The following IPO7 variants were observed in gnomAD, a reference collection of about 807,000 sequenced individuals.
IPO7 encodes importin 7, also known as importin-7.
In IPO7, 13 loss-of-function variants were observed where a neutral mutation model predicts 136.4. The observed-to-expected ratio is 0.10, with a 90% CI of 0.06 to 0.15. IPO7 has a LOEUF of 0.15. IPO7 is among the 10% of genes least tolerant of loss of function. IPO7 has a pLI of 1.00. For missense variants in IPO7, 857 were observed against 1,240.6 expected, an observed-to-expected ratio of 0.69 and a Z score of 4.65; for synonymous variants, 403 against 404.4, an observed-to-expected ratio of 1.00 and a Z score of 0.04.
In IPO7 at chr11:9,420,439, G is replaced by A. The variant is rs751130802; in HGVS notation, c.755G>A (p.Arg252Gln). ...NETLQVEEDDRPELPWWKCKK... is the reference protein window; with the variant it reads ...NETLQVEEDDQPELPWWKCKK... ...ACACTTCAAGTTGAAGAAGATGATC[G>A]ACCTGAGTTACCATGGTGGAAATGC... The change falls in exon 7 of 25, where the codon CGA becomes CAA. Residue 252 changes from arginine to glutamine, a missense_variant. Around this residue, in one of 11 missense-constraint regions of IPO7, gnomAD observed 287 missense variants for 307.5 expected, o/e 0.93. Coordinates refer to ENST00000379719, the MANE Select transcript of IPO7 (RefSeq NM_006391.3). 8.1e-6 allele frequency: 13 copies of A among 1,611,048 alleles called. No individual in the cohort carries two copies. Among genetic ancestry groups the A allele is most frequent in the African/African-American group, 5.3e-5 (4 of 74,784 alleles).
intron 24 of IPO7, among the ~76,000 whole-genome samples, chr11:9,444,295 A>G (rs1258664649): frequency 1.3e-5 from 2 of 151,814 alleles, no homozygotes; most frequent in Non-Finnish European, 1.5e-5. Context: ...AAAAATAAAC[A>G]AAAGTACATT....
intron 1 of IPO7, among the ~76,000 whole-genome samples, chr11:9,399,527 G>A (rs1854764187): frequency 6.6e-6 from 1 of 152,194 alleles, no homozygotes; most frequent in African/African-American, 2.4e-5. Context: ...GGTTGATGAA[G>A]AGGAAGGTGG....
chr11:9,434,000 C>T (rs1427335590), intron 18 of IPO7, among the ~76,000 whole-genome samples, 154 bp downstream of exon 18: 18 of 150,418 alleles, frequency 1.2e-4, no homozygotes, highest in African/African-American at 4.2e-4. Context: ...CTCAGCTCAT[C>T]GCAACCTATG....
chr11:9,441,770 G>C (rs36048375), intron 23 of IPO7, among the ~76,000 whole-genome samples: 7,276 of 152,270 alleles, frequency 0.048, 242 homozygotes, highest in South Asian at 0.078. Flanking sequence ...GGTTGGGTTA[G>C]CTTTATTCCT....
At chr11:9,420,310 A>G in intron 6 of IPO7, 101 bp from the exon 7 acceptor site, 1 of 707,184 alleles carries the variant, frequency 1.4e-6, no homozygotes, top group Non-Finnish European at 2.4e-6. Context: ...AAAAAAGGCC[A>G]GCATTAGTGA....
At chr11:9,434,330 T>G (rs1443680231) in intron 18 of IPO7, among the ~76,000 whole-genome samples, 2 of 152,066 alleles carry the variant, frequency 1.3e-5, no homozygotes, top group Admixed American at 1.3e-4. Context: ...GCTATATAAT[T>G]TAGTTATTTT....
Position 9,438,077 on chromosome 11 carries a change from T to TTTTTGG in IPO7, c.2490-3_2490-2insTTTTGG. 1 of 1,201,294 alleles carries TTTTTGG rather than the reference T, an allele frequency of 8.3e-7. No individual in the cohort carries two copies. Among genetic ancestry groups the TTTTTGG allele is most frequent in the Non-Finnish European group, 1.2e-6 (1 of 866,680 alleles). The allele number at this position is 1,201,294 out of a possible 1,614,324, so 74.4% of individuals were successfully genotyped here. On this transcript the variant is annotated splice_region_variant and splice_polypyrimidine_tract_variant and intron_variant, in intron 21 of 24. Transcript: ENST00000379719. ...TTTTTTTTTTTTTTTTTTTTTTTTT[T>TTTTTGG]AGGCTTCATGACAGAAAGATGTGTG...
At chr11:9,401,483 T>G (rs990656704) in intron 1 of IPO7, among the ~76,000 whole-genome samples, 68 of 151,016 alleles carry the variant, frequency 4.5e-4, no homozygotes, top group African/African-American at 1.6e-3. Flanking sequence ...TGAGCCTAGC[T>G]CAGCAGTTTA....
chr11:9,423,050 G>A lies in IPO7; in HGVS notation c.951G>A (p.Met317Ile). The A allele has an allele frequency of 6.2e-7, 1 of 1,601,188 alleles. No homozygotes were observed. The highest frequency in any genetic ancestry group is 8.5e-7 in the Non-Finnish European group (1 of 1,170,606). The part of the protein sequence containing the change: ...VLYQYKEKQY[M>I]APRVLQQTLN... ...ATCAGTACAAGGAGAAGCAATATAT[G>A]GCTCCTCGAGTTTTACAACAGACAT... The change falls in exon 9 of 25, where the codon ATG (methionine) becomes ATA (isoleucine). Residue 317 changes from methionine (M) to isoleucine (I), a missense_variant. By Grantham distance (10) the Met-to-Ile change is conservative. This residue lies in a region of IPO7 where 287 missense variants were observed against 307.5 expected (regional missense o/e 0.93). Transcript: ENST00000379719.
intron 16 of IPO7, 50 bp from the exon 17 acceptor site, chr11:9,433,520 A>G: frequency 7.9e-7 from 1 of 1,270,090 alleles, no homozygotes; most frequent in Non-Finnish European, 1.1e-6. Flanking sequence ...TGTCTTACTA[A>G]GTCATTTAGT....
chr11:9,440,341 T>G, intron 22 of IPO7, 114 bp from the exon 23 acceptor site: 2 of 815,924 alleles, frequency 2.5e-6, no homozygotes, highest in South Asian at 3.2e-5. Flanking sequence ...TTCCTGGAGC[T>G]CTCTCTTGTC....
chr11:9,420,810 A>G (rs1855116376), intron 8 of IPO7, 112 bp downstream of exon 8: 3 of 688,532 alleles, frequency 4.4e-6, no homozygotes, highest in South Asian at 1.8e-5. Flanking sequence ...TGGACCCTGT[A>G]CCAGGTCTCA....
intron 3 of IPO7, among the ~76,000 whole-genome samples, chr11:9,408,914 A>G (rs1854928460): frequency 6.6e-6 from 1 of 151,590 alleles, no homozygotes; most frequent in Non-Finnish European, 1.5e-5. Flanking sequence ...GGGTTTCACC[A>G]TGTTGGCGAG....
At chr11:9,388,820 G>A (rs1854588153) in intron 1 of IPO7, among the ~76,000 whole-genome samples, 2 of 152,090 alleles carry the variant, frequency 1.3e-5, no homozygotes, top group African/African-American at 4.8e-5. Flanking sequence ...TCCCATCTGA[G>A]CCTCCCAGGT....
intron 13 of IPO7, 160 bp from the exon 14 acceptor site, chr11:9,428,871 A>G (rs1415863464): frequency 3.7e-6 from 3 of 805,078 alleles, no homozygotes; most frequent in Non-Finnish European, 6.7e-6. Flanking sequence ...ATGCGGCCAA[A>G]GAGTAACTTG....
At chr11:9,407,029 C>T (rs1290560577) in intron 2 of IPO7, among the ~76,000 whole-genome samples, 1 of 152,198 alleles carries the variant, frequency 6.6e-6, no homozygotes, top group African/African-American at 2.4e-5. Flanking sequence ...GAGATCCTTA[C>T]AGTGCAATTC....
intron 7 of IPO7, 43 bp downstream of exon 7, chr11:9,420,548 G>T: frequency 1.3e-6 from 2 of 1,571,292 alleles, no homozygotes; most frequent in Admixed American, 3.4e-5. Flanking sequence ...ATTTATTAAG[G>T]TTTTGCTTTA....
At chr11:9,437,105 C>CA (rs1855387505) in intron 20 of IPO7, among the ~76,000 whole-genome samples, 2 of 150,238 alleles carry the variant, frequency 1.3e-5, no homozygotes, top group South Asian at 4.2e-4. Context: ...AGGCTGGTCT[C>CA]AAACTCCTGA....
chr11:9,405,138 G>A (rs1321932268), intron 2 of IPO7, among the ~76,000 whole-genome samples: 2 of 152,004 alleles, frequency 1.3e-5, no homozygotes, highest in Non-Finnish European at 2.9e-5. Context: ...CAAACTGGCT[G>A]TATTGCCCAG....
Sources: allele counts gnomAD v4.1 joint callset (sites outside exome capture counted in the v4.1 genomes callset), GRCh38; gene constraint gnomAD v4.1.1; regional missense constraint gnomAD v4.1.1; transcripts MANE v1.5; gene names NCBI Gene and HGNC (gene_info 2026-07-23, HGNC 2026-07-21).